The following F10 variants were observed in gnomAD, a reference collection of about 807,000 sequenced individuals.
F10 encodes the protein Stuart-Prower factor.
F10 carries 29 observed loss-of-function variants against 37.1 expected under a neutral mutation model. That is an observed-to-expected ratio of 0.78 (90% CI 0.58 to 1.07). The LOEUF (loss-of-function observed/expected upper bound fraction) is 1.07, where lower values mean the gene tolerates loss of function less well. Ranked by LOEUF, F10 falls within the 50% of genes least tolerant of loss-of-function variation. F10 has a pLI of 0.00. For missense variants in F10, 539 were observed against 667.9 expected (o/e 0.81, Z 2.13); for synonymous variants, 262 against 268.6 (o/e 0.98, Z 0.24).
Position 113,124,124 on chromosome 13 carries a change from TGAGGCCCTAAGCCCGGCCCGGGGCTCCC to T in F10, c.70+1222_70+1249del, listed in dbSNP as rs1489756019. ...CTGCAGCCGGAATGCTCTAGGATCC[TGAGGCCCTAAGCCCGGCCCGGGGCTCCC>T]GAGGCCCTAAGCCCGGCCCGGGACT... On this transcript the variant is annotated intron_variant, in intron 1 of 7. Transcript: ENST00000375559. 3.9e-3 allele frequency among the ~76,000 whole-genome samples: 593 copies of T among 152,132 alleles called. 3 individuals are homozygous for T. The highest frequency in any genetic ancestry group is 0.012 in the African/African-American group (516 of 41,420).
rs527509033 is a variant in F10, at chr13:113,146,782, C to T, written c.748-597C>T. ...AGAGAAAAGAAAACCAAAATATGCC[C>T]GGGCTCCAAACTTGCAAGTCCAGCT... On this transcript the variant is annotated intron_variant, in intron 6 of 7. Transcript: ENST00000375559. The surrounding 1 kb of genome is among the most constrained non-coding windows in gnomAD (Gnocchi z 4.5). Among the ~76,000 whole-genome samples, 3 of 152,274 alleles carry T rather than the reference C, an allele frequency of 2.0e-5. No homozygotes were observed. Among genetic ancestry groups the T allele is most frequent in the South Asian group, 2.1e-4 (1 of 4,822 alleles).
chr13:113,139,414 T>A lies in F10; in HGVS notation c.314T>A (p.Leu105His). ...CQNQGKCKDG[L>H]GEYTCTCLEG... ...AACCAGGGCAAATGTAAAGACGGCCTCGGGGAATACACCTGCACCTGTTTA... is the reference window on the plus strand; with the variant it reads ...AACCAGGGCAAATGTAAAGACGGCCACGGGGAATACACCTGCACCTGTTTA... Residue 105 changes from leucine (L) to histidine (H), a missense_variant, in exon 4 of 8, where the codon CTC becomes CAC. Around this residue, in one of 2 missense-constraint regions of F10, gnomAD observed 409 missense variants for 547.9 expected, o/e 0.75. Transcript: ENST00000375559. This position sits in a 1 kb window ranked among gnomAD's most constrained non-coding sequence, Gnocchi z 5.2. 6.2e-7 allele frequency: 1 copy of A among 1,613,874 alleles called. No homozygotes were observed. Among genetic ancestry groups the A allele is most frequent in the Non-Finnish European group, 8.5e-7 (1 of 1,179,872 alleles).
At chr13:113,148,895 A>T (rs1566922515) in intron 7 of F10, 21 bp from the exon 8 acceptor site, 1 of 1,610,706 alleles carries the variant, frequency 6.2e-7, no homozygotes, top group Non-Finnish European at 8.5e-7. Context: ...AGCTGAGCAC[A>T]GTCCCACTCG....
At position 113,141,949 on chromosome 13, in the gene F10, C is replaced by T. The variant is rs150470002; in HGVS notation, c.502+899C>T. On this transcript the variant is annotated intron_variant, in intron 5 of 7. Coordinates refer to ENST00000375559, the MANE Select transcript of F10 (RefSeq NM_000504.4). The surrounding 1 kb of genome is among the most constrained non-coding windows in gnomAD (Gnocchi z 5.4). ...CTGCCCCCGGCTACCATGACTGTCCCCTCCAGACACAGGTTACTCCCGAGT... is the reference window on the plus strand; with the variant it reads ...CTGCCCCCGGCTACCATGACTGTCCTCTCCAGACACAGGTTACTCCCGAGT... Among the ~76,000 whole-genome samples the T allele has an allele frequency of 2.6e-3, 392 of 152,336 alleles. 2 individuals carry two copies. Among genetic ancestry groups the T allele is most frequent in the African/African-American group, 9.2e-3 (382 of 41,572 alleles).
rs1595096400 is a variant in F10, at chr13:113,144,257, C to T, written c.747+162C>T. 9.0e-7 allele frequency: 1 copy of T among 1,110,998 alleles called. No individual in the cohort carries two copies. Among genetic ancestry groups the T allele is most frequent in the East Asian group, 2.6e-5 (1 of 39,020 alleles). 68.8% of individuals were successfully genotyped at this position (1,110,998 alleles called of 1,614,324 possible). On this transcript the variant is annotated intron_variant, in intron 6 of 7. Coordinates refer to ENST00000375559, the MANE Select transcript of F10 (RefSeq NM_000504.4). This position sits in a 1 kb window ranked among gnomAD's most constrained non-coding sequence, Gnocchi z 6.4. Reference sequence around the variant, plus strand: ...CCAAGCCTGCCTGCCTGTCCCCTCCCTCCGGGCAGCCAAGGAGGCTGTGAG... The same window carrying T: ...CCAAGCCTGCCTGCCTGTCCCCTCCTTCCGGGCAGCCAAGGAGGCTGTGAG...
chr13:113,142,385 CAA>C (rs58893351), intron 5 of F10, among the ~76,000 whole-genome samples: 1,603 of 140,636 alleles, frequency 0.011, 32 homozygotes, highest in Non-Finnish European at 0.016. Context: ...AGTAAAAATA[CAA>C]AAAAAAAAAA....
Position 113,146,472 on chromosome 13 carries a change from G to A in F10, c.748-907G>A, listed in dbSNP as rs761489595. Among the ~76,000 whole-genome samples the A allele has an allele frequency of 1.6e-4, 24 of 152,280 alleles. No homozygotes were observed. Among genetic ancestry groups the A allele is most frequent in the South Asian group, 4.2e-4 (2 of 4,816 alleles). On this transcript the variant is annotated intron_variant, in intron 6 of 7. Coordinates refer to ENST00000375559, the MANE Select transcript of F10 (RefSeq NM_000504.4). This position sits in a 1 kb window ranked among gnomAD's most constrained non-coding sequence, Gnocchi z 4.5. ...TGGAGGGCTCACTGGAGGGGCCCTCGCCCAGCCTGTTGAGGTTTGCGATTC... is the reference window on the plus strand; with the variant it reads ...TGGAGGGCTCACTGGAGGGGCCCTCACCCAGCCTGTTGAGGTTTGCGATTC...
chr13:113,124,965 G>A (rs553709308), intron 1 of F10, among the ~76,000 whole-genome samples: 2 of 152,298 alleles, frequency 1.3e-5, no homozygotes, highest in South Asian at 2.1e-4. Context: ...CTCCATCATC[G>A]CATGGGGTTC....
At chr13:113,127,626 C>T (rs192785056) in intron 1 of F10, among the ~76,000 whole-genome samples, 3 of 151,978 alleles carry the variant, frequency 2.0e-5, no homozygotes, top group Admixed American at 1.3e-4. Context: ...GACTCATTTG[C>T]CAGTCATGAA....
At chr13:113,123,675 G>T (rs1201729475) in intron 1 of F10, among the ~76,000 whole-genome samples, 1 of 152,174 alleles carries the variant, frequency 6.6e-6, no homozygotes, top group Non-Finnish European at 1.5e-5. Context: ...GACGGAGCAG[G>T]GGGAGACCCT....
rs2036558421 is a variant in F10, at chr13:113,144,047, C to A, written c.699C>A (p.Thr233=). 3 of 1,613,820 alleles carry A rather than the reference C, an allele frequency of 1.9e-6. No individual in the cohort carries two copies. The highest frequency in any genetic ancestry group is 2.5e-6 in the Non-Finnish European group (3 of 1,180,006). Residue 233 remains threonine, a synonymous_variant, in exon 6 of 8, where the codon ACC becomes ACA. Transcript: ENST00000375559. The surrounding 1 kb of genome is among the most constrained non-coding windows in gnomAD (Gnocchi z 6.4). ...CTGAGAGGGGCGACAACAACCTCAC[C>A]AGGATCGTGGGAGGCCAGGAATGCA... ...TQPERGDNNL[T]RIVGGQECKD...
intron 3 of F10, 80 bp downstream of exon 3, chr13:113,138,561 C>G: frequency 3.2e-6 from 3 of 936,508 alleles, no homozygotes; most frequent in Non-Finnish European, 3.5e-6. Context: ...TCCTGAATTT[C>G]CTTTCTGCTT....
Position 113,129,628 on chromosome 13 carries a change from A to G in F10, c.231+16A>G, listed in dbSNP as rs754718760. ...CGACAAGACGGTAAGGGCTGGGGAT[A>G]GCCTGGCTGTTGGTAAGGAGCTCAG... On this transcript the variant is annotated intron_variant, in intron 2 of 7. Coordinates refer to ENST00000375559, the MANE Select transcript of F10 (RefSeq NM_000504.4). The G allele has an allele frequency of 1.9e-6, 3 of 1,613,814 alleles. No homozygotes were observed. Among genetic ancestry groups the G allele is most frequent in the African/African-American group, 2.7e-5 (2 of 74,942 alleles).
Position 113,148,825 on chromosome 13 carries a change from A to G in F10, c.866-91A>G, listed in dbSNP as rs41286608. 5.6e-4 allele frequency: 853 copies of G among 1,526,710 alleles called. 3 individuals are homozygous for G. In the Middle Eastern group the frequency reaches 0.012, roughly 21 times the overall value. The allele number at this position is 1,526,710 out of a possible 1,614,324, so 94.6% of individuals were successfully genotyped here. The stretch of plus-strand genomic sequence containing the variant: ...AGTGATCACGTGCCATTTTTAATTT[A>G]AAAAAATATATATAACTTCCTTAAA... On this transcript the variant is annotated intron_variant, in intron 7 of 7. Transcript: ENST00000375559.
chr13:113,147,532 G>A (rs1294595442), intron 7 of F10, 36 bp downstream of exon 7: 35 of 1,231,694 alleles, frequency 2.8e-5, no homozygotes, highest in Non-Finnish European at 3.7e-5. Flanking sequence ...CGTGGTGAGG[G>A]GCACCGTCAC....
intron 7 of F10, among the ~76,000 whole-genome samples, chr13:113,148,345 A>AT (rs1555396301): frequency 0.039 from 3,665 of 95,014 alleles, 59 homozygotes; most frequent in African/African-American, 0.051. Context: ...AAAAAAAAAA[A>AT]ATATATATAT....
rs1056252498 is a variant in F10, at chr13:113,146,783, G to A, written c.748-596G>A. Among the ~76,000 whole-genome samples the A allele has an allele frequency of 3.3e-5, 5 of 152,090 alleles. No individual in the cohort carries two copies. Among genetic ancestry groups the A allele is most frequent in the African/African-American group, 1.2e-4 (5 of 41,404 alleles). On this transcript the variant is annotated intron_variant, in intron 6 of 7. Transcript: ENST00000375559. This position sits in a 1 kb window ranked among gnomAD's most constrained non-coding sequence, Gnocchi z 4.5. ...GAGAAAAGAAAACCAAAATATGCCC[G>A]GGCTCCAAACTTGCAAGTCCAGCTC...
intron 5 of F10, among the ~76,000 whole-genome samples, chr13:113,142,826 G>A (rs1014605162): frequency 7.2e-5 from 11 of 152,082 alleles, no homozygotes; most frequent in African/African-American, 2.4e-4. Context: ...CAGCTACTCG[G>A]GAGGCTGAGG....
At chr13:113,147,224 C>T (rs1040121760) in intron 6 of F10, among the ~76,000 whole-genome samples, 155 bp from the exon 7 acceptor site, 1 of 152,190 alleles carries the variant, frequency 6.6e-6, no homozygotes, top group African/African-American at 2.4e-5. Context: ...AGAAAAGAGA[C>T]AGACAAGGAA....
Sources: allele counts gnomAD v4.1 joint callset (sites outside exome capture counted in the v4.1 genomes callset), GRCh38; gene constraint gnomAD v4.1.1; regional missense constraint gnomAD v4.1.1; non-coding constraint Gnocchi (gnomAD v3.1); transcripts MANE v1.5; gene names NCBI Gene and HGNC (gene_info 2026-07-23, HGNC 2026-07-21).